MAGI2: variants seen among roughly 807,000 people sequenced by gnomAD.
The protein encoded by MAGI2 is membrane associated guanylate kinase, WW and PDZ domain containing 2, also known as membrane-associated guanylate kinase, WW and PDZ domain-containing protein 2.
A neutral mutation model predicts 133.3 loss-of-function variants in MAGI2; 35 were observed. The ratio of observed to expected loss-of-function variants is 0.26; its 90% CI spans 0.20 to 0.35. The LOEUF (loss-of-function observed/expected upper bound fraction) is 0.35, where lower values mean the gene tolerates loss of function less well. Among genes scored for constraint, MAGI2 ranks in the 10% least tolerant of loss-of-function variants. MAGI2 has a pLI of 1.00. For synonymous variants in MAGI2, 729 were observed against 710.6 expected, an observed-to-expected ratio of 1.03 and a Z score of -0.41; for missense variants, 1,636 against 1,863.4, an observed-to-expected ratio of 0.88 and a Z score of 2.25.
chr7:78,236,227 C>G (rs1336325513), intron 10 of MAGI2, among the ~76,000 whole-genome samples: 1 of 151,874 alleles, frequency 6.6e-6, no homozygotes, highest in Non-Finnish European at 1.5e-5. Flanking sequence ...ATGGAATGAA[C>G]AAAGAGGAGG....
chr7:78,994,395 T>C (rs1254574614), intron 2 of MAGI2, among the ~76,000 whole-genome samples: 1 of 152,116 alleles, frequency 6.6e-6, no homozygotes, highest in Non-Finnish European at 1.5e-5. Context: ...ATGACCTCAG[T>C]GGTGCTTCTG....
chr7:78,947,146 AAAAAC>A (rs1421546344), intron 2 of MAGI2, among the ~76,000 whole-genome samples: 1 of 152,088 alleles, frequency 6.6e-6, no homozygotes, highest in Non-Finnish European at 1.5e-5. Context: ...TTGGTTTAGT[AAAAAC>A]AAAACAAAAC....
In MAGI2 at chr7:78,160,273, C is replaced by T; in HGVS notation, c.2597G>A (p.Gly866Glu). 1 of 1,579,138 alleles carries T rather than the reference C, an allele frequency of 6.3e-7. No individual in the cohort carries two copies. The stretch of plus-strand genomic sequence containing the variant: ...TCTCCCGTTCTCTGGGCAGGGCTCC[C>T]CTGCAAAATATACCACACACAGGTA... Reference protein sequence around the residue: ...LTVRRKVLCGGEPCPENGRSP... With the variant: ...LTVRRKVLCGEEPCPENGRSP... Residue 866 changes from glycine (G) to glutamate (E), a missense_variant and splice_region_variant, in exon 16 of 22, where the codon GGG (glycine) becomes GAG (glutamate). By Grantham distance (98) the Gly-to-Glu change is moderately conservative (BLOSUM62 -2). This residue lies in a region of MAGI2 where 920 missense variants were observed against 1,093.5 expected (regional missense o/e 0.84). Coordinates refer to ENST00000354212, the MANE Select transcript of MAGI2 (RefSeq NM_012301.4).
chr7:78,228,882 A>C (rs1435064828), intron 10 of MAGI2, among the ~76,000 whole-genome samples: 1 of 152,236 alleles, frequency 6.6e-6, no homozygotes. Flanking sequence ...ATTATGAGGA[A>C]ACAGTTTTGA....
At chr7:78,446,669 C>T (rs1347587246) in intron 6 of MAGI2, among the ~76,000 whole-genome samples, 4 of 151,696 alleles carry the variant, frequency 2.6e-5, no homozygotes, top group Admixed American at 2.0e-4. Flanking sequence ...TGGGGCAAAC[C>T]AGAGAAGCAG....
intron 1 of MAGI2, among the ~76,000 whole-genome samples, chr7:79,367,107 C>G (rs948810885): frequency 1.3e-5 from 2 of 152,142 alleles, no homozygotes; most frequent in African/African-American, 4.8e-5. Context: ...CAAAAAAGAG[C>G]GTAATGGGAA....
chr7:78,703,676 C>T (rs73149081), intron 2 of MAGI2, among the ~76,000 whole-genome samples: 1,882 of 152,098 alleles, frequency 0.012, 22 homozygotes, highest in South Asian at 0.024. Context: ...ATAAACTCTG[C>T]ATTTCTGATG....
At chr7:78,082,039 C>G (rs1404542551) in intron 20 of MAGI2, among the ~76,000 whole-genome samples, 1 of 152,150 alleles carries the variant, frequency 6.6e-6, no homozygotes, top group Non-Finnish European at 1.5e-5. Flanking sequence ...TATAAACCCC[C>G]TCGAACCCCA....
At chr7:78,177,616 C>T (rs950249622) in intron 14 of MAGI2, among the ~76,000 whole-genome samples, 4 of 152,138 alleles carry the variant, frequency 2.6e-5, no homozygotes, top group African/African-American at 9.7e-5. Context: ...CTGTTTATCC[C>T]TGTGTTTTAT....
chr7:79,044,325 CA>C (rs372349769), intron 1 of MAGI2, among the ~76,000 whole-genome samples: 204 of 152,100 alleles, frequency 1.3e-3, no homozygotes, highest in African/African-American at 4.7e-3. Context: ...GAACTAAAAA[CA>C]AAAAACACAT....
At position 79,265,653 on chromosome 7, in the gene MAGI2, C is replaced by A. The variant is rs114093993; in HGVS notation, c.301+187367G>T. On this transcript the variant is annotated intron_variant, in intron 1 of 21. Coordinates refer to ENST00000354212, the MANE Select transcript of MAGI2 (RefSeq NM_012301.4). Reference sequence around the variant, plus strand: ...TGAATGTTACGTTTTAAAGACAATGCTATATTGCATGCTACAAGTAAGTTT... The same window carrying A: ...TGAATGTTACGTTTTAAAGACAATGATATATTGCATGCTACAAGTAAGTTT... Among the ~76,000 whole-genome samples the A allele has an allele frequency of 3.4e-3, 512 of 152,060 alleles. 1 individual carries two copies. The highest frequency in any genetic ancestry group is 0.012 in the African/African-American group (493 of 41,474).
At chr7:78,351,855 G>T (rs1226777228) in intron 7 of MAGI2, 1 of 152,148 alleles carries the variant, frequency 6.6e-6, no homozygotes, top group Non-Finnish European at 1.5e-5. Context: ...AACCCTAGAA[G>T]GATCTTCTGG....
chr7:78,515,563 A>G (rs1795962677), intron 4 of MAGI2, among the ~76,000 whole-genome samples: 1 of 152,178 alleles, frequency 6.6e-6, no homozygotes, highest in Non-Finnish European at 1.5e-5. Context: ...GAAATATTTA[A>G]AGGTATATGC....
chr7:78,202,608 G>T (rs150313492), intron 10 of MAGI2, among the ~76,000 whole-genome samples: 36 of 149,140 alleles, frequency 2.4e-4, no homozygotes, highest in African/African-American at 8.9e-4. Context: ...GCTGGAACTC[G>T]GGAGGCGGAG....
intron 1 of MAGI2, among the ~76,000 whole-genome samples, chr7:79,110,678 T>C (rs1041509234): frequency 1.3e-5 from 2 of 152,172 alleles, no homozygotes; most frequent in African/African-American, 4.8e-5. Flanking sequence ...TAGGGGACTA[T>C]TGAGATGATT....
chr7:78,958,910 A>C (rs2115731370), intron 2 of MAGI2, among the ~76,000 whole-genome samples: 1 of 152,264 alleles, frequency 6.6e-6, no homozygotes, highest in Middle Eastern at 3.4e-3. Context: ...GTGCTGTCTG[A>C]TATTTAGTGA....
chr7:79,381,603 A>G (rs1258180467), intron 1 of MAGI2, among the ~76,000 whole-genome samples: 2 of 151,776 alleles, frequency 1.3e-5, no homozygotes, highest in Non-Finnish European at 2.9e-5. Flanking sequence ...ATAATTAACA[A>G]TGCTGGTGGA....
At chr7:79,435,644 G>A (rs1353262735) in intron 1 of MAGI2, among the ~76,000 whole-genome samples, 2 of 152,082 alleles carry the variant, frequency 1.3e-5, no homozygotes, top group East Asian at 1.9e-4. Context: ...TTCCATGCTC[G>A]TGAATTGGCA....
intron 1 of MAGI2, among the ~76,000 whole-genome samples, chr7:79,201,086 T>C (rs1828572025): frequency 6.6e-6 from 1 of 151,918 alleles, no homozygotes. Context: ...TAAGCAGAAA[T>C]TGGCTCTTTG....
Sources: gnomAD v4.1 joint callset for allele counts (sites outside exome capture counted in the v4.1 genomes callset) on GRCh38, gnomAD v4.1.1 for gene constraint, gnomAD v4.1.1 regional missense constraint, MANE v1.5 for transcripts, NCBI Gene and HGNC (gene_info 2026-07-23, HGNC 2026-07-21) for gene names.